Variants in DNAH8 observed in about 807,000 individuals in gnomAD.
The protein encoded by DNAH8 is axonemal beta dynein heavy chain 8.
Under a neutral mutation model 562.1 loss-of-function variants are expected in DNAH8, and 382 were observed. The observed-to-expected ratio is 0.68, with a 90% CI of 0.63 to 0.74. DNAH8 has a LOEUF of 0.74. Among genes scored for constraint, DNAH8 ranks in the 30% least tolerant of loss-of-function variants. The pLI, the probability that DNAH8 is intolerant of heterozygous loss-of-function variation, is 0.00. For synonymous variants in DNAH8, 1,881 were observed against 1,919.4 expected (o/e 0.98, Z 0.52); for missense variants, 5,203 against 5,620.4 (o/e 0.93, Z 2.37).
chr6:38,828,638 T>C (rs967617896), intron 30 of DNAH8, among the ~76,000 whole-genome samples: 2 of 152,194 alleles, frequency 1.3e-5, no homozygotes, highest in Admixed American at 6.5e-5. Context: ...CACTCAATGA[T>C]GTTCACACGA....
In DNAH8 at chr6:38,786,845, G is replaced by T. The variant is rs1260427078; in HGVS notation, c.2476G>T (p.Val826Phe). The T allele has an allele frequency of 6.2e-7, 1 of 1,613,486 alleles. No homozygotes were observed. Among genetic ancestry groups the T allele is most frequent in the Non-Finnish European group, 8.5e-7 (1 of 1,179,720 alleles). The change falls in exon 18 of 93, where the codon GTT becomes TTT. Residue 826 changes from valine (V) to phenylalanine (F), a missense_variant. Val to Phe is a conservative substitution (Grantham distance 50, BLOSUM62 -1). Transcript: ENST00000327475. ...VNFDPKILEVVRETKCMIKMK... is the reference protein window; with the variant it reads ...VNFDPKILEVFRETKCMIKMK... ...TTTCGATCCCAAAATTTTGGAAGTT[G>T]TTCGGGAAACTAAGTGTATGATAAA...
intron 21 of DNAH8, among the ~76,000 whole-genome samples, chr6:38,802,060 G>A (rs1244388495): frequency 6.6e-6 from 1 of 151,534 alleles, no homozygotes; most frequent in African/African-American, 2.4e-5. Flanking sequence ...AACCTCCTGA[G>A]TAGGTGGGAC....
intron 28 of DNAH8, among the ~76,000 whole-genome samples, chr6:38,825,830 A>G (rs1773265350): frequency 1.3e-5 from 2 of 152,208 alleles, no homozygotes; most frequent in African/African-American, 4.8e-5. Flanking sequence ...AAATGCGAGA[A>G]TGAATGAGGG....
chr6:38,868,784 C>A (rs1028868620), intron 48 of DNAH8, among the ~76,000 whole-genome samples: 2 of 151,868 alleles, frequency 1.3e-5, no homozygotes, highest in African/African-American at 4.8e-5. Context: ...TATTTCCCTG[C>A]CCCAGCCTCC....
At chr6:38,940,839 C>G (rs534909854) in intron 79 of DNAH8, among the ~76,000 whole-genome samples, 1 of 152,112 alleles carries the variant, frequency 6.6e-6, no homozygotes, top group Non-Finnish European at 1.5e-5. Flanking sequence ...TAACCTAGGC[C>G]GGGCGCGGTG....
At chr6:38,818,182 A>T (rs1410683903) in intron 26 of DNAH8, among the ~76,000 whole-genome samples, 1 of 152,064 alleles carries the variant, frequency 6.6e-6, no homozygotes, top group Non-Finnish European at 1.5e-5. Context: ...AAAGTCACAA[A>T]CCTAATAAGA....
At chr6:38,946,426 T>C (rs925660021) in intron 80 of DNAH8, among the ~76,000 whole-genome samples, 1 of 152,244 alleles carries the variant, frequency 6.6e-6, no homozygotes, top group Non-Finnish European at 1.5e-5. Context: ...GGATAAACTC[T>C]CTGGGTTCCA....
chr6:38,907,888 A>C, intron 63 of DNAH8, 68 bp from the exon 64 acceptor site: 2 of 1,286,180 alleles, frequency 1.6e-6, no homozygotes, highest in Non-Finnish European at 2.1e-6. Context: ...AAGGGACTGG[A>C]CTTTGGCAGT....
chr6:38,740,172 T>C (rs1046930018), intron 7 of DNAH8, among the ~76,000 whole-genome samples: 3 of 152,230 alleles, frequency 2.0e-5, no homozygotes, highest in African/African-American at 7.2e-5. Context: ...CAAAATTACA[T>C]TGACTGTTGC....
Position 38,828,279 on chromosome 6 carries a change from G to C in DNAH8, c.4179G>C (p.Gln1393His). 1 of 1,552,556 alleles carries C rather than the reference G, an allele frequency of 6.4e-7. No individual in the cohort carries two copies. Among genetic ancestry groups the C allele is most frequent in the African/African-American group, 1.4e-5 (1 of 72,442 alleles). The change falls in exon 30 of 93, where the codon CAG (glutamine) becomes CAC (histidine). Residue 1393 changes from glutamine (Q) to histidine (H), a missense_variant. By Grantham distance (24) the Gln-to-His change is conservative (BLOSUM62 0). Transcript: ENST00000327475. Reference protein sequence around the residue: ...DTLRYSFNKLQSKAVSVQEDL... With the variant: ...DTLRYSFNKLHSKAVSVQEDL... ...TAAGATATTCTTTCAACAAATTGCA[G>C]AGCAAAGCTGTAAGTATGAATTTAA... is the stretch of plus-strand genomic sequence containing the variant.
At chr6:38,811,868 C>G (rs899108427) in intron 24 of DNAH8, among the ~76,000 whole-genome samples, 1 of 152,108 alleles carries the variant, frequency 6.6e-6, no homozygotes, top group Non-Finnish European at 1.5e-5. Context: ...AGTACAGAAC[C>G]AGGTCTTATT....
In DNAH8 at chr6:38,890,816, A is replaced by C. The variant is rs16891199; in HGVS notation, c.8583+55A>C. Reference sequence around the variant, plus strand: ...AAAGGCAACTATTATTCAGCCCTAGATCACACCTCGTGGCTCATTAAGTTA... The same window carrying C: ...AAAGGCAACTATTATTCAGCCCTAGCTCACACCTCGTGGCTCATTAAGTTA... On this transcript the variant is annotated intron_variant, in intron 58 of 92. Transcript: ENST00000327475. The C allele has an allele frequency of 3.8e-5, 46 of 1,219,926 alleles. 1 individual carries two copies. The highest frequency in any genetic ancestry group is 3.4e-4 in the South Asian group (28 of 82,562). The allele number at this position is 1,219,926 out of a possible 1,614,324, so 75.6% of individuals were successfully genotyped here.
intron 63 of DNAH8, among the ~76,000 whole-genome samples, chr6:38,907,565 G>A (rs1405251669): frequency 6.6e-6 from 1 of 152,046 alleles, no homozygotes; most frequent in Non-Finnish European, 1.5e-5. Context: ...GGCCTGCTGT[G>A]TTAACTCTTC....
chr6:38,901,606 G>A (rs775782655), intron 62 of DNAH8, among the ~76,000 whole-genome samples: 1 of 152,064 alleles, frequency 6.6e-6, no homozygotes, highest in Non-Finnish European at 1.5e-5. Context: ...TTTAACATAT[G>A]TATATTTGGT....
At chr6:38,951,869 A>C (rs1053151817) in intron 82 of DNAH8, among the ~76,000 whole-genome samples, 3 of 152,230 alleles carry the variant, frequency 2.0e-5, no homozygotes, top group African/African-American at 7.2e-5. Flanking sequence ...ATTACAGCAA[A>C]GTTTATTTTG....
chr6:38,839,950 C>T (rs891526150), intron 33 of DNAH8, among the ~76,000 whole-genome samples: 6 of 152,184 alleles, frequency 3.9e-5, no homozygotes, highest in Non-Finnish European at 8.8e-5. Context: ...GTGTGGGCCA[C>T]CATGTCCGGT....
At chr6:38,717,369 A>C (rs768137905) in intron 1 of DNAH8, among the ~76,000 whole-genome samples, 1 of 152,036 alleles carries the variant, frequency 6.6e-6, no homozygotes, top group Non-Finnish European at 1.5e-5. Context: ...TGTCACCCAG[A>C]CTGGAGTGCA....
intron 62 of DNAH8, among the ~76,000 whole-genome samples, chr6:38,902,058 C>G (rs1385712848): frequency 6.6e-6 from 1 of 152,134 alleles, no homozygotes; most frequent in Non-Finnish European, 1.5e-5. Flanking sequence ...CTGTCTGATT[C>G]CTGTAGGCAT....
chr6:38,766,962 C>T (rs553726978), intron 11 of DNAH8, among the ~76,000 whole-genome samples: 10 of 151,918 alleles, frequency 6.6e-5, no homozygotes, highest in Non-Finnish European at 1.5e-4. Flanking sequence ...TTTTAATTTC[C>T]TGCTTCTCTT....
Sources: allele counts gnomAD v4.1 joint callset (sites outside exome capture counted in the v4.1 genomes callset), GRCh38; gene constraint gnomAD v4.1.1; transcripts MANE v1.5; gene names NCBI Gene and HGNC (gene_info 2026-07-23, HGNC 2026-07-21).